DTNA: variants seen among roughly 807,000 people sequenced by gnomAD.
DTNA encodes dystrophin-related protein 3.
Under a neutral mutation model 100.7 loss-of-function variants are expected in DTNA, and 43 were observed. The ratio of observed to expected loss-of-function variants is 0.43; its 90% CI spans 0.33 to 0.55. DTNA has a LOEUF of 0.55. DTNA is among the 20% of genes least tolerant of loss of function. DTNA has a pLI of 0.04. For synonymous variants in DTNA, 349 were observed against 347.9 expected (o/e 1.00, Z -0.04); for missense variants, 798 against 953.9 (o/e 0.84, Z 2.15).
chr18:34,690,542 T>A (rs2079606102), intron 1 of DTNA, among the ~76,000 whole-genome samples: 1 of 152,202 alleles, frequency 6.6e-6, no homozygotes, highest in Non-Finnish European at 1.5e-5. Context: ...GTTGCGTTGG[T>A]CTCACTGGGA....
At chr18:34,589,625 A>G (rs1362228169) in intron 1 of DTNA, among the ~76,000 whole-genome samples, 1 of 151,520 alleles carries the variant, frequency 6.6e-6, no homozygotes, top group Admixed American at 6.6e-5. Flanking sequence ...AAACAAAACG[A>G]AAAAAAAGTA....
At chr18:34,801,431 T>C (rs1369888317) in intron 4 of DTNA, among the ~76,000 whole-genome samples, 1 of 152,100 alleles carries the variant, frequency 6.6e-6, no homozygotes, top group East Asian at 1.9e-4. Context: ...ATAAAGTATG[T>C]ATTATGCGCT....
intron 1 of DTNA, among the ~76,000 whole-genome samples, chr18:34,629,121 CA>C (rs2057738271): frequency 6.6e-6 from 1 of 152,130 alleles, no homozygotes; most frequent in Non-Finnish European, 1.5e-5. Flanking sequence ...TATGTTTACA[CA>C]AGCTCTTTTA....
intron 3 of DTNA, among the ~76,000 whole-genome samples, chr18:34,769,911 G>A (rs1276326135): frequency 6.6e-6 from 1 of 151,714 alleles, no homozygotes; most frequent in Non-Finnish European, 1.5e-5. Context: ...AGTACAGACA[G>A]GGTTTCACCA....
At chr18:34,830,033 C>G (rs1487467684) in intron 11 of DTNA, among the ~76,000 whole-genome samples, 1 of 152,208 alleles carries the variant, frequency 6.6e-6, no homozygotes, top group Non-Finnish European at 1.5e-5. Context: ...TGCTTATTCT[C>G]TATCACTTGA....
chr18:34,613,455 G>A (rs1353263510), intron 1 of DTNA, among the ~76,000 whole-genome samples: 1 of 152,200 alleles, frequency 6.6e-6, no homozygotes, highest in Non-Finnish European at 1.5e-5. Context: ...CAGGCTGAAA[G>A]CTAGGCCTCT....
At position 34,675,512 on chromosome 18, in the gene DTNA, G is replaced by A. The variant is rs574110506; in HGVS notation, c.-1-80464G>A. Among the ~76,000 whole-genome samples the A allele has an allele frequency of 6.6e-5, 10 of 152,146 alleles. No homozygotes were observed. The East Asian group carries it at 1.9e-3, about 29-fold the overall frequency. Reference sequence around the variant, plus strand: ...ATGATGAAATTATTTTTAATATGGTGCAAGTTCACAAGGGTAAGAGAAAGG... The same window carrying A: ...ATGATGAAATTATTTTTAATATGGTACAAGTTCACAAGGGTAAGAGAAAGG... On this transcript the variant is annotated intron_variant, in intron 1 of 19. Coordinates refer to the DTNA transcript ENST00000283365.
chr18:34,493,717 C>T (rs934641192), intron 1 of DTNA, among the ~76,000 whole-genome samples: 1 of 148,916 alleles, frequency 6.7e-6, no homozygotes, highest in African/African-American at 2.4e-5. Context: ...CAGCCGCCCA[C>T]GGCGCCGGGG....
At chr18:34,614,323 A>G (rs1284437617) in intron 1 of DTNA, among the ~76,000 whole-genome samples, 1 of 152,222 alleles carries the variant, frequency 6.6e-6, no homozygotes, top group Admixed American at 6.5e-5. Flanking sequence ...TGTCGTTTTC[A>G]TGCTTCCCAA....
chr18:34,629,040 A>G (rs2057725886), intron 1 of DTNA, among the ~76,000 whole-genome samples: 1 of 152,194 alleles, frequency 6.6e-6, no homozygotes, highest in African/African-American at 2.4e-5. Flanking sequence ...TGAGTTTAAT[A>G]ATCAAATATT....
At chr18:34,596,144 C>G (rs1306176508) in intron 1 of DTNA, among the ~76,000 whole-genome samples, 1 of 152,164 alleles carries the variant, frequency 6.6e-6, no homozygotes, top group Non-Finnish European at 1.5e-5. Flanking sequence ...TGATCTTCTC[C>G]TAAGTTTTCA....
chr18:34,505,811 ATC>A (rs1298719095), intron 1 of DTNA, among the ~76,000 whole-genome samples: 2 of 152,172 alleles, frequency 1.3e-5, no homozygotes, highest in East Asian at 3.9e-4. Flanking sequence ...TAATTCTAAC[ATC>A]TCTGGGATCT....
intron 1 of DTNA, among the ~76,000 whole-genome samples, chr18:34,594,840 A>C (rs1374919622): frequency 6.6e-6 from 1 of 151,862 alleles, no homozygotes; most frequent in Non-Finnish European, 1.5e-5. Context: ...ATCCCTCCAG[A>C]CCCCTGATGA....
intron 1 of DTNA, among the ~76,000 whole-genome samples, chr18:34,684,467 A>G (rs867227205): frequency 6.6e-6 from 1 of 152,062 alleles, no homozygotes; most frequent in African/African-American, 2.4e-5. Context: ...ATTCCTGTAA[A>G]GGACATGAAC....
At chr18:34,718,717 T>C (rs2084596716) in intron 1 of DTNA, among the ~76,000 whole-genome samples, 1 of 152,114 alleles carries the variant, frequency 6.6e-6, no homozygotes, top group South Asian at 2.1e-4. Context: ...AGGAGAAAGG[T>C]ATTACTGAAG....
At chr18:34,872,210 C>G (rs2096772145) in intron 17 of DTNA, among the ~76,000 whole-genome samples, 1 of 152,122 alleles carries the variant, frequency 6.6e-6, no homozygotes, top group Admixed American at 6.5e-5. Flanking sequence ...TGAGGCATGC[C>G]TCAGACCCAC....
At chr18:34,758,674 C>T (rs2092942040) in intron 2 of DTNA, among the ~76,000 whole-genome samples, 1 of 152,150 alleles carries the variant, frequency 6.6e-6, no homozygotes, top group South Asian at 2.1e-4. Context: ...GAAAGACATT[C>T]CTGGGTTGTA....
chr18:34,522,845 A>T (rs984898366), intron 1 of DTNA, among the ~76,000 whole-genome samples: 9 of 152,310 alleles, frequency 5.9e-5, no homozygotes, highest in African/African-American at 2.2e-4. Context: ...ATCAGAGCAG[A>T]TGGGCCCAAG....
chr18:34,806,889 A>G (rs1438977334), intron 5 of DTNA, among the ~76,000 whole-genome samples: 3 of 152,108 alleles, frequency 2.0e-5, no homozygotes, highest in Admixed American at 6.5e-5. Context: ...AATATGGTAG[A>G]GTTCCTTAAC....
Sources: gnomAD v4.1 joint callset for allele counts (sites outside exome capture counted in the v4.1 genomes callset) on GRCh38, gnomAD v4.1.1 for gene constraint, MANE v1.5 for transcripts, NCBI Gene and HGNC (gene_info 2026-07-23, HGNC 2026-07-21) for gene names.